Variants in WIPF1 observed in about 807,000 individuals in gnomAD.
The protein encoded by WIPF1 is WAS/WASL interacting protein family member 1.
In WIPF1, 13 loss-of-function variants were observed where a neutral mutation model predicts 35.4. That is an observed-to-expected ratio of 0.37 (90% CI 0.24 to 0.58). The LOEUF (loss-of-function observed/expected upper bound fraction) is 0.58, where lower values mean the gene tolerates loss of function less well. WIPF1 is among the 20% of genes least tolerant of loss of function. WIPF1 has a pLI of 0.74. For synonymous variants in WIPF1, 267 were observed against 266.3 expected, an observed-to-expected ratio of 1.00 and a Z score of -0.02; for missense variants, 591 against 667.0, an observed-to-expected ratio of 0.89 and a Z score of 1.25.
In WIPF1 at chr2:174,560,367, G is replaced by A. The variant is rs1684454376; in HGVS notation, c.*2180C>T. 6.6e-6 allele frequency: 1 copy of A among 152,576 alleles called. No individual in the cohort carries two copies. The highest frequency in any genetic ancestry group is 2.4e-5 in the African/African-American group (1 of 41,444). 9.5% of individuals were successfully genotyped at this position (152,576 alleles called of 1,614,324 possible). A position where few individuals can be genotyped will look rare whatever the true frequency, so the allele number is the denominator to read the frequency against. ...CCAAGTTCAGATATGCAAAGGAATT[G>A]TCCAATTCTTACTACCCCTTATAAA... On this transcript the variant is annotated 3_prime_UTR_variant, in exon 8 of 8. Transcript: ENST00000679041.
intron 3 of WIPF1, among the ~76,000 whole-genome samples, chr2:174,575,752 G>T (rs1161092918): frequency 6.6e-6 from 1 of 152,194 alleles, no homozygotes; most frequent in South Asian, 2.1e-4. Context: ...TGAGGTGGGA[G>T]GATCGCTTGA....
chr2:174,616,856 T>G (rs1288090679), intron 1 of WIPF1, among the ~76,000 whole-genome samples: 1 of 152,230 alleles, frequency 6.6e-6, no homozygotes, highest in South Asian at 2.1e-4. Context: ...TTTTCAATCC[T>G]GGCTTTGTAT....
intron 1 of WIPF1, among the ~76,000 whole-genome samples, chr2:174,646,081 A>G (rs779064373): frequency 2.6e-5 from 4 of 152,244 alleles, no homozygotes; most frequent in Non-Finnish European, 5.9e-5. Context: ...AGAGATTAAC[A>G]TAGGCAATGT....
intron 1 of WIPF1, among the ~76,000 whole-genome samples, chr2:174,674,338 T>G (rs2105991011): frequency 6.6e-6 from 1 of 152,354 alleles, no homozygotes. Flanking sequence ...GAAACTCAGC[T>G]TTGCAGTCTT....
intron 1 of WIPF1, among the ~76,000 whole-genome samples, chr2:174,663,101 G>A (rs959120600): frequency 6.6e-6 from 1 of 152,176 alleles, no homozygotes; most frequent in Non-Finnish European, 1.5e-5. Context: ...TTACGGTCAG[G>A]AGTGAAGAGA....
chr2:174,595,144 A>C (rs1356360491), intron 1 of WIPF1, among the ~76,000 whole-genome samples: 4 of 129,170 alleles, frequency 3.1e-5, no homozygotes, highest in Admixed American at 8.4e-5. Flanking sequence ...ATATATAATT[A>C]ACTGGGCATG....
chr2:174,586,440 G>T (rs1433196456), intron 1 of WIPF1, among the ~76,000 whole-genome samples: 1 of 152,126 alleles, frequency 6.6e-6, no homozygotes, highest in Non-Finnish European at 1.5e-5. Context: ...GAGTGTGCTT[G>T]CTCTGAAAAC....
intron 1 of WIPF1, among the ~76,000 whole-genome samples, chr2:174,675,629 C>A (rs1337231286): frequency 5.9e-5 from 9 of 152,180 alleles, no homozygotes; most frequent in African/African-American, 2.2e-4. Context: ...GCTGGGATTA[C>A]AGGTGTGAGC....
intron 5 of WIPF1, among the ~76,000 whole-genome samples, chr2:174,570,967 G>C (rs915744914): frequency 2.0e-5 from 3 of 152,196 alleles, no homozygotes; most frequent in African/African-American, 7.2e-5. Context: ...TTCATACTCT[G>C]AAAGTTTGTC....
Position 174,561,489 on chromosome 2 carries a change from C to G in WIPF1, c.*1058G>C, listed in dbSNP as rs1684482648. 1 of 152,424 alleles carries G rather than the reference C, an allele frequency of 6.6e-6. No homozygotes were observed. The highest frequency in any genetic ancestry group is 6.5e-5 in the Admixed American group (1 of 15,292). 9.4% of individuals were successfully genotyped at this position (152,424 alleles called of 1,614,324 possible). On this transcript the variant is annotated 3_prime_UTR_variant, in exon 8 of 8. Transcript: ENST00000679041. Reference sequence around the variant, plus strand: ...CTGGTTCTGAGCCCAGAAGTCCCGACAGGCTTTCCATTTGTTTCCAATGGC... The same window carrying G: ...CTGGTTCTGAGCCCAGAAGTCCCGAGAGGCTTTCCATTTGTTTCCAATGGC...
At chr2:174,599,485 C>T (rs924766359), upstream of WIPF1, among the ~76,000 whole-genome samples, 2 of 152,136 alleles carry the variant, frequency 1.3e-5, no homozygotes, top group African/African-American at 4.8e-5. Flanking sequence ...CCCTTGAAGG[C>T]AGGGACCGCC....
intron 2 of WIPF1, among the ~76,000 whole-genome samples, chr2:174,582,917 T>C (rs1266879944): frequency 1.3e-5 from 2 of 152,248 alleles, no homozygotes; most frequent in African/African-American, 4.8e-5. Flanking sequence ...TTATGTGTAT[T>C]ACTTCATTTA....
intron 1 of WIPF1, among the ~76,000 whole-genome samples, chr2:174,633,581 C>T (rs1393351198): frequency 2.0e-5 from 3 of 152,188 alleles, no homozygotes; most frequent in Non-Finnish European, 2.9e-5. Context: ...GGATTTGAGA[C>T]GTTTTCTTTT....
chr2:174,628,748 C>T (rs1290735236), intron 1 of WIPF1, among the ~76,000 whole-genome samples: 1 of 152,244 alleles, frequency 6.6e-6, no homozygotes, highest in Non-Finnish European at 1.5e-5. Context: ...GGGCCTTGTT[C>T]TGCACCCTCT....
At chr2:174,604,552 A>G (rs1222079294) in intron 1 of WIPF1, among the ~76,000 whole-genome samples, 13 of 152,188 alleles carry the variant, frequency 8.5e-5, no homozygotes, top group Non-Finnish European at 5.9e-5. Flanking sequence ...AGTGAATTAT[A>G]AAAAATCATG....
intron 4 of WIPF1, 82 bp from the exon 5 acceptor site, chr2:174,572,528 T>C (rs1684907660): frequency 6.4e-7 from 1 of 1,556,770 alleles, no homozygotes. Flanking sequence ...TCCCAGTGAC[T>C]GGAAGTCCCT....
chr2:174,606,134 T>C (rs1451398645), intron 1 of WIPF1, among the ~76,000 whole-genome samples: 1 of 152,036 alleles, frequency 6.6e-6, no homozygotes, highest in East Asian at 1.9e-4. Flanking sequence ...AAAATAAAAG[T>C]CCAACCAACA....
chr2:174,656,887 T>C (rs888482428), intron 1 of WIPF1, among the ~76,000 whole-genome samples: 1 of 152,366 alleles, frequency 6.6e-6, no homozygotes, highest in East Asian at 1.9e-4. Context: ...AGACAGTTAA[T>C]GACTTGTCAG....
chr2:174,595,109 A>AAAAAAAAAAAAATAT (rs1553529785), intron 1 of WIPF1, among the ~76,000 whole-genome samples: 2 of 57,734 alleles, frequency 3.5e-5, no homozygotes, highest in Non-Finnish European at 2.8e-5. Context: ...AAAAAAAAAA[A>AAAAAAAAAAAAATAT]ATATATATAT....
Sources: allele counts gnomAD v4.1 joint callset (sites outside exome capture counted in the v4.1 genomes callset), GRCh38; gene constraint gnomAD v4.1.1; transcripts MANE v1.5; gene names NCBI Gene and HGNC (gene_info 2026-07-23, HGNC 2026-07-21).